R3HDM2: variants seen among roughly 807,000 people sequenced by gnomAD.
R3HDM2 encodes the protein R3H domain containing 2.
Under a neutral mutation model 124.5 loss-of-function variants are expected in R3HDM2, and 38 were observed. The observed-to-expected ratio is 0.31, with a 90% confidence interval of 0.24 to 0.40. R3HDM2 has a LOEUF of 0.40. Among genes scored for constraint, R3HDM2 ranks in the 10% least tolerant of loss-of-function variants. The probability of loss-of-function intolerance (pLI) is 1.00; values close to 1 mark genes in which losing one functional copy is unlikely to be tolerated. For missense variants in R3HDM2, 869 were observed against 1,236.9 expected (o/e 0.70, Z 4.46); for synonymous variants, 391 against 448.0 (o/e 0.87, Z 1.61).
intron 4 of R3HDM2, 113 bp from the exon 5 acceptor site, chr12:57,300,294 G>A (rs2050833895): frequency 3.6e-6 from 3 of 837,020 alleles, no homozygotes; most frequent in African/African-American, 3.5e-5. Context: ...CTTTGGCTCT[G>A]TTAGTTGCTG....
chr12:57,328,355 C>A (rs181978394), intron 2 of R3HDM2, among the ~76,000 whole-genome samples: 4 of 152,170 alleles, frequency 2.6e-5, no homozygotes, highest in Non-Finnish European at 5.9e-5. Context: ...AGCCACCATG[C>A]CTGGCCAGTT....
chr12:57,331,710 C>G (rs1282401985), intron 2 of R3HDM2, among the ~76,000 whole-genome samples: 1 of 151,856 alleles, frequency 6.6e-6, no homozygotes, highest in Non-Finnish European at 1.5e-5. Flanking sequence ...GTCAGGAGAT[C>G]AAGACCATCC....
chr12:57,355,228 C>T (rs554535421), intron 2 of R3HDM2, among the ~76,000 whole-genome samples: 1 of 151,668 alleles, frequency 6.6e-6, no homozygotes, highest in East Asian at 2.0e-4. Flanking sequence ...GAGGCCGAGG[C>T]GGGCGGATCA....
chr12:57,262,991 G>C (rs1592388983), intron 19 of R3HDM2, among the ~76,000 whole-genome samples: 1 of 152,118 alleles, frequency 6.6e-6, no homozygotes. Flanking sequence ...CTTTTGACGT[G>C]GGAAGCCTAC....
chr12:57,381,612 T>C (rs1376966742), intron 2 of R3HDM2, among the ~76,000 whole-genome samples: 1 of 150,916 alleles, frequency 6.6e-6, no homozygotes, highest in Non-Finnish European at 1.5e-5. Context: ...GATGTATCTC[T>C]AATAAAGAAA....
At chr12:57,375,675 CTTTT>C (rs35984368) in intron 2 of R3HDM2, among the ~76,000 whole-genome samples, 3 of 133,374 alleles carry the variant, frequency 2.2e-5, no homozygotes, top group Admixed American at 7.7e-5. Flanking sequence ...AGATCAGCTG[CTTTT>C]TTTTTTTTTT....
At chr12:57,399,208 C>A (rs867609772) in intron 1 of R3HDM2, among the ~76,000 whole-genome samples, 1 of 152,050 alleles carries the variant, frequency 6.6e-6, no homozygotes, top group Non-Finnish European at 1.5e-5. Context: ...TTGAGACCAG[C>A]CTGGCTGGCG....
In R3HDM2 at chr12:57,302,972, C is replaced by T. The variant is rs183828564; in HGVS notation, c.207+204G>A. On this transcript the variant is annotated intron_variant, in intron 4 of 23. Coordinates refer to ENST00000402412, the MANE Select transcript of R3HDM2 (RefSeq NM_001394031.1). The stretch of plus-strand genomic sequence containing the variant: ...CATCAAATGTGTATACACCTATGTA[C>T]GCCTACACAGTTTCCATTAGAGGTA... 1.6e-4 allele frequency among the ~76,000 whole-genome samples: 25 copies of T among 152,264 alleles called. No homozygotes were observed. The East Asian group carries it at 2.1e-3, about 13-fold the overall frequency.
intron 2 of R3HDM2, among the ~76,000 whole-genome samples, chr12:57,386,464 T>C (rs2065808352): frequency 6.6e-6 from 1 of 152,250 alleles, no homozygotes; most frequent in Admixed American, 6.5e-5. Flanking sequence ...GGCAAGCAGC[T>C]GCTGTGCTCG....
intron 1 of R3HDM2, among the ~76,000 whole-genome samples, chr12:57,427,196 C>A (rs2070822335): frequency 1.3e-5 from 2 of 151,676 alleles, no homozygotes; most frequent in African/African-American, 4.8e-5. Context: ...GAGGCTGAGG[C>A]AGGACAATCA....
At chr12:57,337,707 G>T (rs374825598) in intron 2 of R3HDM2, among the ~76,000 whole-genome samples, 1 of 152,096 alleles carries the variant, frequency 6.6e-6, no homozygotes, top group African/African-American at 2.4e-5. Flanking sequence ...TATAGAAAGA[G>T]AGCATATTTA....
chr12:57,335,694 GTTC>G (rs1408907610), intron 2 of R3HDM2, among the ~76,000 whole-genome samples: 1 of 149,110 alleles, frequency 6.7e-6, no homozygotes, highest in East Asian at 2.0e-4. Flanking sequence ...GTAGGGACAG[GTTC>G]TTATTAGGTT....
At chr12:57,316,893 C>T (rs945951088) in intron 2 of R3HDM2, among the ~76,000 whole-genome samples, 9 of 151,848 alleles carry the variant, frequency 5.9e-5, no homozygotes, top group Non-Finnish European at 1.2e-4. Flanking sequence ...ATTACAGGCA[C>T]GTGCCACCAC....
chr12:57,304,540 G>A (rs750378073), intron 3 of R3HDM2: 31 of 981,112 alleles, frequency 3.2e-5, no homozygotes, highest in Middle Eastern at 5.2e-4. Flanking sequence ...CAAATAACAC[G>A]GCCACAATGC....
At chr12:57,297,441 T>A (rs1027150638) in intron 7 of R3HDM2, 54 bp from the exon 8 acceptor site, 2 of 1,162,592 alleles carry the variant, frequency 1.7e-6, no homozygotes, top group Admixed American at 4.8e-5. Flanking sequence ...AGCCCTCCCA[T>A]AGACATTGAA....
At chr12:57,305,690 A>C (rs1431446262) in intron 3 of R3HDM2, 2 of 398,876 alleles carry the variant, frequency 5.0e-6, no homozygotes, top group Non-Finnish European at 8.8e-6. Context: ...ACAGACAATT[A>C]CAATACAGTA....
intron 12 of R3HDM2, among the ~76,000 whole-genome samples, chr12:57,286,116 G>T (rs1381937082): frequency 6.6e-6 from 1 of 152,168 alleles, no homozygotes; most frequent in Non-Finnish European, 1.5e-5. Context: ...CACTGGATCG[G>T]GTTGTGTGTA....
chr12:57,423,273 A>T (rs1433295403), intron 1 of R3HDM2, among the ~76,000 whole-genome samples: 1 of 151,604 alleles, frequency 6.6e-6, no homozygotes, highest in East Asian at 1.9e-4. Context: ...AAAATGCAAA[A>T]ATTAGCCAGG....
At chr12:57,378,254 A>G (rs974070308) in intron 2 of R3HDM2, among the ~76,000 whole-genome samples, 1 of 152,184 alleles carries the variant, frequency 6.6e-6, no homozygotes. Flanking sequence ...TATCATGGGC[A>G]AAAAGGGGAC....
Sources: allele counts gnomAD v4.1 joint callset (sites outside exome capture counted in the v4.1 genomes callset), GRCh38; gene constraint gnomAD v4.1.1; transcripts MANE v1.5; gene names NCBI Gene and HGNC (gene_info 2026-07-23, HGNC 2026-07-21).